SETDB1: variants seen among roughly 807,000 people sequenced by gnomAD.
SETDB1 encodes histone-lysine N-methyltransferase SETDB1.
In SETDB1, 31 loss-of-function variants were observed where a neutral mutation model predicts 137.4. That is an observed-to-expected ratio of 0.23 (90% confidence interval 0.17 to 0.30). SETDB1 has a LOEUF of 0.30. SETDB1 is among the 10% of genes least tolerant of loss of function. SETDB1 has a pLI of 1.00. For synonymous variants in SETDB1, 548 were observed against 579.9 expected (o/e 0.95, Z 0.79); for missense variants, 1,113 against 1,631.5 (o/e 0.68, Z 5.47).
At chr1:150,928,711 A>G (rs997500429) in intron 2 of SETDB1, among the ~76,000 whole-genome samples, 4 of 152,192 alleles carry the variant, frequency 2.6e-5, no homozygotes, top group Admixed American at 6.5e-5. Context: ...TGTCACTTAC[A>G]TTAGGTATAT....
chr1:150,945,680 C>T (rs956521193), intron 9 of SETDB1, among the ~76,000 whole-genome samples: 6 of 152,132 alleles, frequency 3.9e-5, no homozygotes, highest in Admixed American at 2.6e-4. Flanking sequence ...TACCTCAGCC[C>T]GTTACTTCTA....
intron 15 of SETDB1, among the ~76,000 whole-genome samples, chr1:150,960,107 G>A (rs750231773): frequency 1.7e-4 from 25 of 150,852 alleles, no homozygotes; most frequent in Non-Finnish European, 3.1e-4. Context: ...AGAAATGAGA[G>A]ACCAGAATGG....
At chr1:150,943,366 T>C (rs137989910) in intron 7 of SETDB1, among the ~76,000 whole-genome samples, 129 of 152,266 alleles carry the variant, frequency 8.5e-4, no homozygotes, top group African/African-American at 2.6e-3. Context: ...CATAGGAATC[T>C]GATAGAGGAA....
In SETDB1 at chr1:150,952,952, A is replaced by C. The variant is rs11204746; in HGVS notation, c.2333+1471A>C. Among the ~76,000 whole-genome samples, 27 of 152,226 alleles carry C rather than the reference A, an allele frequency of 1.8e-4. 1 individual carries two copies. Among genetic ancestry groups the C allele is most frequent in the African/African-American group, 6.3e-4 (26 of 41,450 alleles). On this transcript the variant is annotated intron_variant, in intron 14 of 21. Coordinates refer to ENST00000692827, the MANE Select transcript of SETDB1 (RefSeq NM_001366418.1). Reference sequence around the variant, plus strand: ...GGCAATCCAAGTAGAAATGTCAAGAAGACACTGGGATTTCTGGAGAGAGTG... The same window carrying C: ...GGCAATCCAAGTAGAAATGTCAAGACGACACTGGGATTTCTGGAGAGAGTG...
chr1:150,942,055 G>A (rs770556378), intron 5 of SETDB1, among the ~76,000 whole-genome samples: 2 of 151,270 alleles, frequency 1.3e-5, no homozygotes, highest in South Asian at 2.1e-4. Flanking sequence ...CAGGAGAATC[G>A]CTTGAACCCG....
chr1:150,963,311 C>T, intron 19 of SETDB1, 172 bp downstream of exon 19: 1 of 724,466 alleles, frequency 1.4e-6, no homozygotes, highest in South Asian at 1.9e-5. Context: ...CACATCCTCT[C>T]TCATTTCCAT....
chr1:150,946,458 T>A (rs1670331472), intron 9 of SETDB1, among the ~76,000 whole-genome samples: 1 of 151,896 alleles, frequency 6.6e-6, no homozygotes, highest in East Asian at 1.9e-4. Flanking sequence ...AGGAATTTTT[T>A]TTTGGGGGGG....
intron 3 of SETDB1, among the ~76,000 whole-genome samples, chr1:150,937,899 A>G (rs1669995094): frequency 6.6e-6 from 1 of 152,168 alleles, no homozygotes; most frequent in Admixed American, 6.6e-5. Context: ...ACATACACCC[A>G]TGTATTGACT....
intron 15 of SETDB1, 29 bp downstream of exon 15, chr1:150,959,376 C>T (rs1326645230): frequency 6.4e-7 from 1 of 1,567,646 alleles, no homozygotes; most frequent in Non-Finnish European, 8.7e-7. Flanking sequence ...GGGTTGTTTC[C>T]TGAGACTGGG....
At chr1:150,947,111 A>G in intron 10 of SETDB1, 99 bp downstream of exon 10, 2 of 1,399,222 alleles carry the variant, frequency 1.4e-6, no homozygotes, top group East Asian at 2.4e-5. Context: ...GTTACACTGT[A>G]TACTCATTGG....
intron 19 of SETDB1, 157 bp from the exon 20 acceptor site, chr1:150,963,373 G>T: frequency 2.6e-6 from 2 of 758,032 alleles, no homozygotes; most frequent in Non-Finnish European, 4.3e-6. Context: ...AATTATGCTT[G>T]AAAAAAAAAC....
At chr1:150,932,373 C>CT (rs1669787926) in intron 3 of SETDB1, among the ~76,000 whole-genome samples, 1 of 152,090 alleles carries the variant, frequency 6.6e-6, no homozygotes, top group Admixed American at 6.6e-5. Flanking sequence ...GTTCCCTCCT[C>CT]TGAGTTTGTA....
chr1:150,932,870 T>C (rs1669803943), intron 3 of SETDB1, among the ~76,000 whole-genome samples: 2 of 152,224 alleles, frequency 1.3e-5, no homozygotes, highest in South Asian at 4.1e-4. Context: ...ACTCTCAGGA[T>C]ATCATACTTT....
intron 3 of SETDB1, among the ~76,000 whole-genome samples, chr1:150,932,241 AAAAG>A (rs1295365307): frequency 4.0e-5 from 6 of 151,746 alleles, no homozygotes; most frequent in Non-Finnish European, 7.4e-5. Flanking sequence ...TTTTTAAAAA[AAAAG>A]AAAGAAAAAA....
intron 4 of SETDB1, among the ~76,000 whole-genome samples, chr1:150,941,024 A>G (rs983392282): frequency 6.6e-6 from 1 of 151,484 alleles, no homozygotes; most frequent in African/African-American, 2.4e-5. Flanking sequence ...TTAGCTGGGC[A>G]TGGTGGCGCA....
rs1464393825 is a variant in SETDB1, at chr1:150,964,418, T to C, written c.*54T>C. The C allele has an allele frequency of 7.7e-7, 1 of 1,307,062 alleles. No homozygotes were observed. The highest frequency in any genetic ancestry group is 1.1e-6 in the Non-Finnish European group (1 of 909,972). 81.0% of individuals were successfully genotyped at this position (1,307,062 alleles called of 1,614,324 possible). A position where few individuals can be genotyped will look rare whatever the true frequency, so the allele number is the denominator to read the frequency against. On this transcript the variant is annotated 3_prime_UTR_variant, in exon 22 of 22. Transcript: ENST00000692827. ...AACTGTCGTTTCCTCAGGAACTGGG[T>C]CTTCCTGATTGTTGAACCCTGACCC...
intron 10 of SETDB1, among the ~76,000 whole-genome samples, chr1:150,947,674 G>A (rs1670370144): frequency 6.6e-6 from 1 of 152,182 alleles, no homozygotes; most frequent in Non-Finnish European, 1.5e-5. Flanking sequence ...TACTCAAGAA[G>A]TTGAGGTGGG....
In SETDB1 at chr1:150,959,325, C is replaced by T. The variant is rs1204690897; in HGVS notation, c.2481C>T (p.Gly827=). 1.9e-6 allele frequency: 3 copies of T among 1,605,726 alleles called. No homozygotes were observed. Among genetic ancestry groups the T allele is most frequent in the Non-Finnish European group, 2.5e-6 (3 of 1,177,368 alleles). The change falls in exon 15 of 22, where the codon GGC becomes GGT. Residue 827 remains glycine (G), a synonymous_variant. Coordinates refer to ENST00000692827, the MANE Select transcript of SETDB1 (RefSeq NM_001366418.1). The stretch of plus-strand genomic sequence containing the variant: ...GCTGCTTGGATGACATTGCCAAAGG[C>T]TCTTTTGTTTGTATTTATGCAGGTT... ...GIRCLDDIAK[G]SFVCIYAGKI... is the part of the protein sequence containing the mutation.
chr1:150,931,261 C>CAAAAAAAAAAAAAAAAAAA (rs767694682), intron 3 of SETDB1, among the ~76,000 whole-genome samples: 3 of 67,474 alleles, frequency 4.4e-5, no homozygotes, highest in Admixed American at 2.4e-4. Flanking sequence ...CTCTTGTCTT[C>CAAAAAAAAAAAAAAAAAAA]AAAAAAAAAA....
Sources: allele counts gnomAD v4.1 joint callset (sites outside exome capture counted in the v4.1 genomes callset), GRCh38; gene constraint gnomAD v4.1.1; transcripts MANE v1.5; gene names NCBI Gene and HGNC (gene_info 2026-07-23, HGNC 2026-07-21).